Variants in EHMT1 observed in about 807,000 individuals in gnomAD.
EHMT1 encodes euchromatic histone lysine methyltransferase 1, also known as histone-lysine N-methyltransferase EHMT1.
EHMT1 carries 15 observed loss-of-function variants against 147.2 expected under a neutral mutation model. That is an observed-to-expected ratio of 0.10 (90% CI 0.07 to 0.16). The LOEUF (loss-of-function observed/expected upper bound fraction) is 0.16, where lower values mean the gene tolerates loss of function less well. EHMT1 is among the 10% of genes least tolerant of loss of function. EHMT1 has a pLI of 1.00. For synonymous variants in EHMT1, 795 were observed against 709.6 expected (o/e 1.12, Z -1.91); for missense variants, 1,587 against 1,772.4 (o/e 0.90, Z 1.88).
At chr9:137,639,394 A>G (rs1443071533) in intron 1 of EHMT1, among the ~76,000 whole-genome samples, 1 of 152,090 alleles carries the variant, frequency 6.6e-6, no homozygotes, top group African/African-American at 2.4e-5. Context: ...TTCTAGTTCT[A>G]TTAGTTATTG....
chr9:137,811,586 C>T lies in EHMT1; in HGVS notation c.2838C>T (p.Ala946=), dbSNP rs140941800. 54 of 1,604,784 alleles carry T rather than the reference C, an allele frequency of 3.4e-5. No individual in the cohort carries two copies. Among genetic ancestry groups the T allele is most frequent in the African/African-American group, 2.9e-4 (22 of 75,064 alleles). Residue 946 remains alanine, a synonymous_variant, in exon 19 of 27, where the codon GCC becomes GCT. Coordinates refer to ENST00000460843, the MANE Select transcript of EHMT1 (RefSeq NM_024757.5). ...NIHGDSPLHI[A]ARENRYDCVV... ...ACGGAGACTCGCCACTGCACATTGC[C>T]GCCCGGGAGAACCGCTACGACTGTG...
intron 10 of EHMT1, among the ~76,000 whole-genome samples, chr9:137,768,345 G>GTT (rs1198449634): frequency 8.7e-6 from 1 of 115,164 alleles, no homozygotes; most frequent in Non-Finnish European, 1.8e-5. Context: ...CATTTTCTGT[G>GTT]TGTTTTTTTT....
chr9:137,817,655 C>T, intron 24 of EHMT1, 130 bp downstream of exon 24: 2 of 1,187,718 alleles, frequency 1.7e-6, no homozygotes, highest in South Asian at 2.6e-5. Context: ...GGGTGGGGGC[C>T]ACAGAGACCC....
At chr9:137,748,798 C>A (rs1948751575) in intron 6 of EHMT1, among the ~76,000 whole-genome samples, 1 of 152,116 alleles carries the variant, frequency 6.6e-6, no homozygotes, top group African/African-American at 2.4e-5. Flanking sequence ...GCTGTTTGTC[C>A]TTTTTGAAAC....
chr9:137,749,649 T>C (rs140077722), intron 6 of EHMT1, among the ~76,000 whole-genome samples: 1 of 152,282 alleles, frequency 6.6e-6, no homozygotes, highest in East Asian at 1.9e-4. Context: ...CTAATCTCCT[T>C]GGGTTTTCAG....
chr9:137,758,094 C>T, intron 9 of EHMT1, 83 bp downstream of exon 9: 1 of 1,576,294 alleles, frequency 6.3e-7, no homozygotes, highest in Non-Finnish European at 8.7e-7. Context: ...AGCATGATGC[C>T]CCTTGGTGGA....
chr9:137,817,612 G>A, intron 24 of EHMT1, 87 bp downstream of exon 24: 1 of 1,552,524 alleles, frequency 6.4e-7, no homozygotes, highest in Middle Eastern at 1.8e-4. Flanking sequence ...AGCCCCTCTG[G>A]GAGCAGGCAC....
At chr9:137,801,103 C>T in intron 18 of EHMT1, 119 bp downstream of exon 18, 1 of 858,978 alleles carries the variant, frequency 1.2e-6, no homozygotes, top group East Asian at 2.6e-5. Context: ...TGACCTCTTC[C>T]TGTGGCAGCA....
At chr9:137,746,004 AT>A in intron 6 of EHMT1, 1 of 155,626 alleles carries the variant, frequency 6.4e-6, no homozygotes, top group Admixed American at 6.5e-5. Context: ...TTTCTTCTGG[AT>A]TTTGCATCTT....
At chr9:137,694,720 C>G (rs555545955) in intron 1 of EHMT1, among the ~76,000 whole-genome samples, 7 of 152,312 alleles carry the variant, frequency 4.6e-5, no homozygotes, top group African/African-American at 1.7e-4. Flanking sequence ...GCCTAGCACA[C>G]AGGCAGGAGC....
intron 1 of EHMT1, among the ~76,000 whole-genome samples, chr9:137,665,725 A>G (rs1939566914): frequency 6.6e-6 from 1 of 152,166 alleles, no homozygotes; most frequent in African/African-American, 2.4e-5. Flanking sequence ...GGGACCCTTC[A>G]CGTTTTAGGG....
chr9:137,788,096 G>C lies in EHMT1; in HGVS notation c.2383-2752G>C, dbSNP rs184196978. On this transcript the variant is annotated intron_variant, in intron 15 of 26. Coordinates refer to ENST00000460843, the MANE Select transcript of EHMT1 (RefSeq NM_024757.5). ...CCTCCACTCTCGTGGGGCCAGGAAGGGGGCAGAGGGGCCACAGAGGCCTCT... is the reference window on the plus strand; with the variant it reads ...CCTCCACTCTCGTGGGGCCAGGAAGCGGGCAGAGGGGCCACAGAGGCCTCT... 405 of 1,330,302 alleles carry C rather than the reference G, an allele frequency of 3.0e-4. 2 individuals carry two copies. In the African/African-American group the frequency reaches 5.4e-3, roughly 18 times the overall value. 82.4% of individuals were successfully genotyped at this position (1,330,302 alleles called of 1,614,324 possible).
In EHMT1 at chr9:137,742,555, A is replaced by C. The variant is rs557838593; in HGVS notation, c.824-816A>C. Among the ~76,000 whole-genome samples the C allele has an allele frequency of 3.3e-5, 5 of 152,232 alleles. No homozygotes were observed. In the East Asian group the frequency reaches 9.7e-4, roughly 29 times the overall value. The stretch of plus-strand genomic sequence containing the variant: ...TTTTCTTTAAATCCTGGAACTTAAA[A>C]AAAGTCATGGAGTCTGATTATATAA... On this transcript the variant is annotated intron_variant, in intron 4 of 26. Coordinates refer to ENST00000460843, the MANE Select transcript of EHMT1 (RefSeq NM_024757.5).
In EHMT1 at chr9:137,834,769, C is replaced by T. The variant is rs772873515; in HGVS notation, c.3717-4C>T. On this transcript the variant is annotated splice_polypyrimidine_tract_variant and splice_region_variant and intron_variant, in intron 26 of 26. Transcript: ENST00000460843. Reference sequence around the variant, plus strand: ...TTGGAGCCTTGGTTCTGTTCCCTCCCCAGGTTTGACTATGGAGAGCGCTTC... The same window carrying T: ...TTGGAGCCTTGGTTCTGTTCCCTCCTCAGGTTTGACTATGGAGAGCGCTTC... 1.2e-6 allele frequency: 2 copies of T among 1,613,460 alleles called. No individual in the cohort carries two copies. The highest frequency in any genetic ancestry group is 1.7e-6 in the Non-Finnish European group (2 of 1,179,762).
At chr9:137,692,251 C>CT (rs776766810) in intron 1 of EHMT1, among the ~76,000 whole-genome samples, 2 of 119,370 alleles carry the variant, frequency 1.7e-5, no homozygotes, top group African/African-American at 6.4e-5. Flanking sequence ...TTTTTCTTTT[C>CT]TTTCTTTCTT....
intron 16 of EHMT1, among the ~76,000 whole-genome samples, chr9:137,792,910 G>A (rs1952632896): frequency 6.6e-6 from 1 of 152,146 alleles, no homozygotes; most frequent in Admixed American, 6.5e-5. Flanking sequence ...TGTGCAGCCG[G>A]AAAGACAGCC....
chr9:137,656,792 G>A (rs900657523), intron 1 of EHMT1, among the ~76,000 whole-genome samples: 2 of 151,974 alleles, frequency 1.3e-5, no homozygotes, highest in Non-Finnish European at 1.5e-5. Context: ...CCAGGCTGGA[G>A]TGCAATGGTG....
chr9:137,784,459 G>T (rs1037728466), intron 15 of EHMT1: 2 of 1,119,926 alleles, frequency 1.8e-6, no homozygotes, highest in Non-Finnish European at 2.2e-6. Context: ...GTTTTATTTC[G>T]ATTTTGCCGT....
chr9:137,736,660 G>A (rs1183453629), intron 4 of EHMT1, among the ~76,000 whole-genome samples: 7 of 152,390 alleles, frequency 4.6e-5, no homozygotes, highest in East Asian at 1.9e-4. Context: ...GGAGGCTGAC[G>A]TGGGTGGATC....
Sources: allele counts gnomAD v4.1 joint callset (sites outside exome capture counted in the v4.1 genomes callset), GRCh38; gene constraint gnomAD v4.1.1; transcripts MANE v1.5; gene names NCBI Gene and HGNC (gene_info 2026-07-23, HGNC 2026-07-21).